UTRN: variants seen among roughly 807,000 people sequenced by gnomAD.
The protein encoded by UTRN is dystrophin-related protein 1.
A neutral mutation model predicts 463.9 loss-of-function variants in UTRN; 283 were observed. The observed-to-expected ratio is 0.61, with a 90% CI of 0.55 to 0.67. The LOEUF (loss-of-function observed/expected upper bound fraction) is 0.67, where lower values mean the gene tolerates loss of function less well. UTRN is among the 30% of genes least tolerant of loss of function. The pLI, the probability that UTRN is intolerant of heterozygous loss-of-function variation, is 0.00. For missense variants in UTRN, 3,922 were observed against 4,084.3 expected, an observed-to-expected ratio of 0.96 and a Z score of 1.08; for synonymous variants, 1,442 against 1,431.5, an observed-to-expected ratio of 1.01 and a Z score of -0.17.
At chr6:144,471,124 CTCTT>C (rs1372976650) in intron 23 of UTRN, among the ~76,000 whole-genome samples, 2 of 147,940 alleles carry the variant, frequency 1.4e-5, no homozygotes, top group African/African-American at 5.0e-5. Flanking sequence ...TGTTTCTTTT[CTCTT>C]TCTTTTTTTC....
At chr6:144,307,829 TTTAA>T (rs1456819483) in intron 2 of UTRN, among the ~76,000 whole-genome samples, 3 of 152,314 alleles carry the variant, frequency 2.0e-5, no homozygotes, top group East Asian at 3.9e-4. Context: ...TTTTTTTTTT[TTTAA>T]TTAATGAAAC....
intron 33 of UTRN, among the ~76,000 whole-genome samples, chr6:144,496,727 C>T (rs933076434): frequency 6.6e-6 from 1 of 152,110 alleles, no homozygotes; most frequent in Admixed American, 6.5e-5. Flanking sequence ...GTCACATTAT[C>T]AGTCTGAAGA....
chr6:144,665,629 G>A (rs1160397062), intron 51 of UTRN, among the ~76,000 whole-genome samples: 1 of 152,178 alleles, frequency 6.6e-6, no homozygotes, highest in East Asian at 1.9e-4. Flanking sequence ...TCCCGTATTT[G>A]TGAAGTTTAT....
chr6:144,532,584 A>C (rs1470111934), intron 42 of UTRN, among the ~76,000 whole-genome samples: 1 of 152,220 alleles, frequency 6.6e-6, no homozygotes, highest in Admixed American at 6.5e-5. Flanking sequence ...GTACAATTCA[A>C]GATGAGATTT....
At chr6:144,393,336 C>T (rs1782107232) in intron 2 of UTRN, among the ~76,000 whole-genome samples, 1 of 152,168 alleles carries the variant, frequency 6.6e-6, no homozygotes, top group South Asian at 2.1e-4. Context: ...TATCAGTTCT[C>T]AACTTTAAAA....
intron 9 of UTRN, among the ~76,000 whole-genome samples, chr6:144,435,482 A>G (rs555646067): frequency 1.8e-4 from 28 of 152,364 alleles, no homozygotes; most frequent in African/African-American, 6.7e-4. Context: ...AAAGCAATTT[A>G]CCTAAGGGTC....
chr6:144,739,116 A>G (rs1424528660), intron 54 of UTRN, among the ~76,000 whole-genome samples: 1 of 152,222 alleles, frequency 6.6e-6, no homozygotes, highest in Non-Finnish European at 1.5e-5. Flanking sequence ...TATTTAGTAC[A>G]TAATATGGTA....
rs2114865714 is a variant in UTRN, at chr6:144,428,808, C to T, written c.609C>T (p.Val203=). 2.5e-6 allele frequency: 4 copies of T among 1,610,632 alleles called. No homozygotes were observed. Among genetic ancestry groups the T allele is most frequent in the East Asian group, 2.2e-5 (1 of 44,700 alleles). Residue 203 remains valine, a synonymous_variant, in exon 8 of 75, where the codon GTC becomes GTT. Transcript: ENST00000367545. ...KPDLFSWDKV[V]KMSPIERLEH... is the part of the protein sequence containing the mutation. ...ATCTCTTCAGCTGGGATAAAGTTGT[C>T]AAAATGTCACCAATTGAGAGACTTG...
chr6:144,298,396 A>G (rs1022894805), intron 2 of UTRN, among the ~76,000 whole-genome samples: 5 of 152,114 alleles, frequency 3.3e-5, no homozygotes, highest in African/African-American at 4.8e-5. Context: ...TGGTTTTCCA[A>G]TCTTTGCATT....
intron 61 of UTRN, 136 bp downstream of exon 61, chr6:144,782,259 T>G (rs1775897409): frequency 7.1e-6 from 5 of 704,848 alleles, no homozygotes; most frequent in Non-Finnish European, 1.1e-5. Flanking sequence ...TGTTTGTTGT[T>G]GAAACTGAAT....
chr6:144,363,635 G>GGA (rs1779260468), intron 2 of UTRN, among the ~76,000 whole-genome samples: 1 of 152,120 alleles, frequency 6.6e-6, no homozygotes, highest in Non-Finnish European at 1.5e-5. Context: ...AACAAAAAAG[G>GGA]GAGAGATCAT....
chr6:144,608,151 C>T (rs370200136), intron 51 of UTRN, among the ~76,000 whole-genome samples: 10 of 152,132 alleles, frequency 6.6e-5, no homozygotes, highest in African/African-American at 1.4e-4. Flanking sequence ...TCTAGTAAAG[C>T]GGATTATCCT....
chr6:144,666,122 C>T (rs1780365680), intron 51 of UTRN, among the ~76,000 whole-genome samples: 1 of 152,146 alleles, frequency 6.6e-6, no homozygotes, highest in African/African-American at 2.4e-5. Context: ...GAGAGCCAGC[C>T]CTCTTTCATG....
intron 55 of UTRN, among the ~76,000 whole-genome samples, chr6:144,750,391 T>C (rs939775924): frequency 3.3e-5 from 5 of 152,154 alleles, no homozygotes; most frequent in African/African-American, 9.7e-5. Flanking sequence ...CATGAATTTG[T>C]ATGCATCCCT....
chr6:144,430,262 A>G (rs1785679438), intron 9 of UTRN, among the ~76,000 whole-genome samples: 1 of 152,150 alleles, frequency 6.6e-6, no homozygotes, highest in African/African-American at 2.4e-5. Context: ...AGGGATTACG[A>G]TGATTTCATT....
At chr6:144,433,428 G>C (rs1786130914) in intron 9 of UTRN, among the ~76,000 whole-genome samples, 1 of 151,948 alleles carries the variant, frequency 6.6e-6, no homozygotes, top group African/African-American at 2.4e-5. Context: ...TTCCCAGACG[G>C]GGTGGCTGCC....
chr6:144,685,876 A>G (rs1033596494), intron 52 of UTRN, among the ~76,000 whole-genome samples: 1 of 152,112 alleles, frequency 6.6e-6, no homozygotes, highest in African/African-American at 2.4e-5. Flanking sequence ...TTTGCTGTGC[A>G]GAAGCATTTT....
intron 60 of UTRN, among the ~76,000 whole-genome samples, chr6:144,776,326 A>G (rs1307702111): frequency 6.6e-6 from 1 of 152,166 alleles, no homozygotes; most frequent in Non-Finnish European, 1.5e-5. Context: ...CACCTTAGTG[A>G]CAAGTGCTTG....
At chr6:144,692,261 A>G (rs915866273) in intron 52 of UTRN, among the ~76,000 whole-genome samples, 6 of 152,182 alleles carry the variant, frequency 3.9e-5, no homozygotes, top group African/African-American at 1.4e-4. Flanking sequence ...CATGGTGTAT[A>G]TGTACCACAG....
Sources: gnomAD v4.1 joint callset for allele counts (sites outside exome capture counted in the v4.1 genomes callset) on GRCh38, gnomAD v4.1.1 for gene constraint, MANE v1.5 for transcripts, NCBI Gene and HGNC (gene_info 2026-07-23, HGNC 2026-07-21) for gene names.